The following RESF1 variants were observed in gnomAD, a reference collection of about 807,000 sequenced individuals.
RESF1 encodes the protein retroelement silencing factor 1.
Under a neutral mutation model 134.7 loss-of-function variants are expected in RESF1, and 65 were observed. The observed-to-expected ratio is 0.48, with a 90% CI of 0.40 to 0.59. The LOEUF is 0.59. Ranked by LOEUF, RESF1 falls within the 20% of genes least tolerant of loss-of-function variation. The probability of loss-of-function intolerance (pLI) is 0.00; values close to 1 mark genes in which losing one functional copy is unlikely to be tolerated. For synonymous variants in RESF1, 762 were observed against 702.2 expected (o/e 1.09, Z -1.35); for missense variants, 2,274 against 2,002.7 (o/e 1.14, Z -2.59).
chr12:31,986,250 A>G (rs1939969793), intron 4 of RESF1, among the ~76,000 whole-genome samples: 2 of 152,214 alleles, frequency 1.3e-5, no homozygotes, highest in Admixed American at 6.5e-5. Flanking sequence ...ACTGTGAAAA[A>G]CATTCCACAT....
Position 31,985,873 on chromosome 12 carries a change from G to T in RESF1, c.4918G>T (p.Asp1640Tyr), listed in dbSNP as rs1278499667. ...CATGCTGGAGTTTAAATTATGTCCAGATATCTTACTAAAGAATACAAACTC... is the reference window on the plus strand; with the variant it reads ...CATGCTGGAGTTTAAATTATGTCCATATATCTTACTAAAGAATACAAACTC... ...SNMLEFKLCPDILLKNTNSVE... is the reference protein window; with the variant it reads ...SNMLEFKLCPYILLKNTNSVE... The change falls in exon 4 of 6, where the codon GAT becomes TAT. Residue 1640 changes from aspartate to tyrosine, a missense_variant. By Grantham distance (160) the Asp-to-Tyr change is radical. Transcript: ENST00000312561. 2 of 1,546,682 alleles carry T rather than the reference G, an allele frequency of 1.3e-6. No individual in the cohort carries two copies. The highest frequency in any genetic ancestry group is 2.3e-5 in the Admixed American group (1 of 43,458).
At position 31,984,993 on chromosome 12, in the gene RESF1, G is replaced by A. The variant is rs1274737003; in HGVS notation, c.4038G>A (p.Val1346=). The change falls in exon 4 of 6, where the codon GTG becomes GTA. Residue 1346 remains valine, a synonymous_variant. Coordinates refer to ENST00000312561, the MANE Select transcript of RESF1 (RefSeq NM_018169.4). ...CAGCTTTTTTGCCAAATAAAGATGT[G>A]TATAAGAAGCATAGTTCTTTGGGAC... ...TKTAFLPNKD[V]YKKHSSLGQS... 4 of 1,610,798 alleles carry A rather than the reference G, an allele frequency of 2.5e-6. No individual in the cohort carries two copies. Among genetic ancestry groups the A allele is most frequent in the Non-Finnish European group, 3.4e-6 (4 of 1,179,260 alleles).
chr12:31,962,542 G>A (rs1040400462), intron 2 of RESF1: 3 of 152,184 alleles, frequency 2.0e-5, no homozygotes, highest in African/African-American at 7.2e-5. Flanking sequence ...GGAGGCTGTT[G>A]AGGTAAATAA....
intron 3 of RESF1, among the ~76,000 whole-genome samples, chr12:31,978,885 G>A (rs1939701406): frequency 6.7e-6 from 1 of 149,918 alleles, no homozygotes. Flanking sequence ...GATTTTGTCA[G>A]AAATTCTTAT....
rs568349583 is a variant in RESF1, at chr12:31,987,271, T to A, written c.5035T>A (p.Leu1679Ile). 24 of 1,600,114 alleles carry A rather than the reference T, an allele frequency of 1.5e-5. 1 individual carries two copies. In the South Asian group the frequency reaches 2.5e-4, roughly 17 times the overall value. Residue 1679 changes from leucine to isoleucine, a missense_variant, in exon 5 of 6, where the codon TTA (leucine) becomes ATA (isoleucine). Transcript: ENST00000312561. ...SGIKSTKEDW[L>I]KFVATKKRTQ... The stretch of plus-strand genomic sequence containing the variant: ...AATAAAAAGTACAAAAGAAGACTGG[T>A]TAAAATTTGTTGCTACAAAGAAAAG...
intron 3 of RESF1, among the ~76,000 whole-genome samples, chr12:31,972,978 CTCTT>C (rs1369019829): frequency 1.3e-5 from 2 of 151,550 alleles, no homozygotes; most frequent in Admixed American, 6.6e-5. Flanking sequence ...ATTTTAATTT[CTCTT>C]TGTTTTTTCT....
At position 31,982,833 on chromosome 12, in the gene RESF1, A is replaced by G; in HGVS notation, c.1878A>G (p.Gln626=). 1.2e-6 allele frequency: 2 copies of G among 1,614,146 alleles called. No homozygotes were observed. Among genetic ancestry groups the G allele is most frequent in the South Asian group, 2.2e-5 (2 of 91,082 alleles). Residue 626 remains glutamine, a synonymous_variant, in exon 4 of 6, where the codon CAA becomes CAG. Coordinates refer to ENST00000312561, the MANE Select transcript of RESF1 (RefSeq NM_018169.4). ...CAAATACCCAAATGACTGGTAACCA[A>G]CTGAATTTGAAGAACATGGAAACTC... is the stretch of plus-strand genomic sequence containing the variant. ...MNPNTQMTGN[Q]LNLKNMETPS...
chr12:31,991,500 G>T (rs192800430), intron 5 of RESF1, among the ~76,000 whole-genome samples: 121 of 152,354 alleles, frequency 7.9e-4, no homozygotes, highest in South Asian at 2.3e-3. Context: ...GGAATGAAAT[G>T]TACAGATAGT....
intron 1 of RESF1, among the ~76,000 whole-genome samples, chr12:31,960,289 T>C (rs1199660460): frequency 6.7e-6 from 1 of 148,630 alleles, no homozygotes; most frequent in Non-Finnish European, 1.5e-5. Context: ...TGTCTTAACA[T>C]AAGGATGTGT....
chr12:31,961,080 C>T (rs1939255824), intron 2 of RESF1, among the ~76,000 whole-genome samples: 1 of 152,200 alleles, frequency 6.6e-6, no homozygotes, highest in Admixed American at 6.5e-5. Flanking sequence ...AGTTGTTAAT[C>T]TTAGCAAAAT....
At position 31,992,620 on chromosome 12, in the gene RESF1, C is replaced by A; in HGVS notation, c.*85C>A. 1 of 1,284,248 alleles carries A rather than the reference C, an allele frequency of 7.8e-7. No homozygotes were observed. The highest frequency in any genetic ancestry group is 1.1e-6 in the Non-Finnish European group (1 of 899,594). The allele number at this position is 1,284,248 out of a possible 1,614,324, so 79.6% of individuals were successfully genotyped here. A position where few individuals can be genotyped will look rare whatever the true frequency, so the allele number is the denominator to read the frequency against. On this transcript the variant is annotated 3_prime_UTR_variant, in exon 6 of 6. Coordinates refer to ENST00000312561, the MANE Select transcript of RESF1 (RefSeq NM_018169.4). ...ATTTCGCTGAAACTAATGAGAAATG[C>A]CATGATAAAGATTTCTCAGAGTTTG...
At position 31,983,330 on chromosome 12, in the gene RESF1, T is replaced by C. The variant is rs1256256831; in HGVS notation, c.2375T>C (p.Ile792Thr). 1.2e-6 allele frequency: 2 copies of C among 1,614,006 alleles called. No individual in the cohort carries two copies. Among genetic ancestry groups the C allele is most frequent in the Non-Finnish European group, 1.7e-6 (2 of 1,180,032 alleles). Residue 792 changes from isoleucine to threonine, a missense_variant, in exon 4 of 6, where the codon ATT (isoleucine) becomes ACT (threonine). Coordinates refer to ENST00000312561, the MANE Select transcript of RESF1 (RefSeq NM_018169.4). ...AVLPETVYPVIKEGSVCSLQN... is the reference protein window; with the variant it reads ...AVLPETVYPVTKEGSVCSLQN... The stretch of plus-strand genomic sequence containing the variant: ...TTACCTGAAACAGTGTATCCCGTTA[T>C]TAAAGAAGGCAGTGTTTGTAGTTTA...
intron 3 of RESF1, among the ~76,000 whole-genome samples, chr12:31,971,912 G>T (rs946517051): frequency 6.6e-6 from 1 of 152,180 alleles, no homozygotes; most frequent in Non-Finnish European, 1.5e-5. Context: ...CACCTTTGAA[G>T]GTGCACCTGG....
At chr12:31,965,449 A>G (rs981576435) in intron 2 of RESF1, among the ~76,000 whole-genome samples, 1 of 152,082 alleles carries the variant, frequency 6.6e-6, no homozygotes, top group African/African-American at 2.4e-5. Context: ...ATGTAACTTG[A>G]CTGTCTTGAG....
intron 3 of RESF1, among the ~76,000 whole-genome samples, chr12:31,978,803 C>T (rs1939698331): frequency 6.6e-6 from 1 of 151,058 alleles, no homozygotes; most frequent in Non-Finnish European, 1.5e-5. Context: ...CCTCGTGATA[C>T]CCCTGCCTCA....
intron 5 of RESF1, among the ~76,000 whole-genome samples, chr12:31,991,062 A>G (rs1317493167): frequency 6.6e-6 from 1 of 152,058 alleles, no homozygotes; most frequent in Admixed American, 6.6e-5. Context: ...AGCTGGGCAT[A>G]GTGGTGCGCA....
chr12:31,989,704 TAGTC>T (rs1214447535), intron 5 of RESF1, among the ~76,000 whole-genome samples: 4 of 152,032 alleles, frequency 2.6e-5, no homozygotes, highest in Non-Finnish European at 5.9e-5. Flanking sequence ...ATATAAAAAT[TAGTC>T]AGGTGTAGTG....
Position 31,985,196 on chromosome 12 carries a change from C to T in RESF1, c.4241C>T (p.Pro1414Leu), listed in dbSNP as rs1939936184. Residue 1414 changes from proline (P) to leucine (L), a missense_variant, in exon 4 of 6, where the codon CCA (proline) becomes CTA (leucine). By Grantham distance (98) the Pro-to-Leu change is moderately conservative (BLOSUM62 -3). Transcript: ENST00000312561. Reference protein sequence around the residue: ...TFKLGDSLSNPNERAIVKEKM... With the variant: ...TFKLGDSLSNLNERAIVKEKM... ...AAATTAGGTGACTCTTTGTCAAACC[C>T]AAACGAAAGAGCCATTGTTAAAGAA... is the stretch of plus-strand genomic sequence containing the variant. The T allele has an allele frequency of 6.4e-7, 1 of 1,574,340 alleles. No individual in the cohort carries two copies. The highest frequency in any genetic ancestry group is 8.6e-7 in the Non-Finnish European group (1 of 1,167,148).
rs1939946375 is a variant in RESF1, at chr12:31,985,446, A to G, written c.4491A>G (p.Lys1497=). ...AAAGTTGTGGGAAATCAAATGAGAA[A>G]CACAGCAGCGGCGTGCAGACCTCTA... The part of the protein sequence containing the change: ...QVESCGKSNE[K]HSSGVQTSKE... Residue 1497 remains lysine, a synonymous_variant, in exon 4 of 6, where the codon AAA becomes AAG. Transcript: ENST00000312561. 7.5e-6 allele frequency: 12 copies of G among 1,607,622 alleles called. No individual in the cohort carries two copies. Among genetic ancestry groups the G allele is most frequent in the Non-Finnish European group, 9.3e-6 (11 of 1,178,294 alleles).
Sources: gnomAD v4.1 joint callset for allele counts (sites outside exome capture counted in the v4.1 genomes callset) on GRCh38, gnomAD v4.1.1 for gene constraint, MANE v1.5 for transcripts, NCBI Gene and HGNC (gene_info 2026-07-23, HGNC 2026-07-21) for gene names.